Variants in FSHR observed in about 807,000 individuals in gnomAD.
FSHR encodes the protein follicle stimulating hormone receptor, also known as follicle-stimulating hormone receptor.
Under a neutral mutation model 52.1 loss-of-function variants are expected in FSHR, and 46 were observed. That is an observed-to-expected ratio of 0.88 (90% confidence interval 0.70 to 1.13). FSHR has a LOEUF of 1.13. Among genes scored for constraint, FSHR ranks in the 50% most tolerant of loss-of-function variants. The probability of loss-of-function intolerance (pLI) is 0.00; values close to 1 mark genes in which losing one functional copy is unlikely to be tolerated. For missense variants in FSHR, 964 were observed against 834.6 expected (o/e 1.16, Z -1.91); for synonymous variants, 399 against 309.6 (o/e 1.29, Z -3.03).
In FSHR at chr2:48,963,770, C is replaced by A; in HGVS notation, c.1051G>T (p.Asp351Tyr). 6.2e-7 allele frequency: 1 copy of A among 1,614,114 alleles called. No homozygotes were observed. Among genetic ancestry groups the A allele is most frequent in the South Asian group, 1.1e-5 (1 of 91,076 alleles). The change falls in exon 10 of 10, where the codon GAT (aspartate) becomes TAT (tyrosine). Residue 351 changes from aspartate (D) to tyrosine (Y), a missense_variant. Asp to Tyr is a radical substitution (Grantham distance 160). Coordinates refer to ENST00000406846, the MANE Select transcript of FSHR (RefSeq NM_000145.4). Reference protein sequence around the residue: ...VVDVTCSPKPDAFNPCEDIMG... With the variant: ...VVDVTCSPKPYAFNPCEDIMG... ...ATATCTTCACATGGGTTGAATGCATCTGGCTTAGGGGAGCAGGTCACGTCA... is the reference window on the plus strand; with the variant it reads ...ATATCTTCACATGGGTTGAATGCATATGGCTTAGGGGAGCAGGTCACGTCA...
At chr2:49,075,067 T>G (rs370505050) in intron 1 of FSHR, among the ~76,000 whole-genome samples, 1 of 152,010 alleles carries the variant, frequency 6.6e-6, no homozygotes, top group East Asian at 1.9e-4. Flanking sequence ...TAAGGAGAGA[T>G]TTGTTAAAGG....
chr2:49,047,410 G>A (rs1038603013), intron 2 of FSHR, among the ~76,000 whole-genome samples: 2 of 152,196 alleles, frequency 1.3e-5, no homozygotes, highest in Non-Finnish European at 2.9e-5. Context: ...AGAGTGAGGA[G>A]CCCATCAAAA....
At chr2:49,108,959 C>T (rs1235711603) in intron 1 of FSHR, among the ~76,000 whole-genome samples, 2 of 152,064 alleles carry the variant, frequency 1.3e-5, no homozygotes, top group Middle Eastern at 3.2e-3. Flanking sequence ...CTTTTTGGTG[C>T]TCATAGTTCA....
intron 1 of FSHR, among the ~76,000 whole-genome samples, chr2:49,143,399 G>T (rs1338583621): frequency 6.6e-6 from 1 of 152,152 alleles, no homozygotes; most frequent in Non-Finnish European, 1.5e-5. Flanking sequence ...ATTCAGAGTT[G>T]TAAAATGTAA....
intron 1 of FSHR, among the ~76,000 whole-genome samples, chr2:49,124,549 C>G (rs1372245741): frequency 2.6e-5 from 4 of 152,032 alleles, no homozygotes; most frequent in South Asian, 2.1e-4. Flanking sequence ...AACTGTAGCT[C>G]CATTTTTTTT....
intron 9 of FSHR, among the ~76,000 whole-genome samples, chr2:48,964,302 C>A (rs1338915468): frequency 6.6e-6 from 1 of 152,168 alleles, no homozygotes; most frequent in Non-Finnish European, 1.5e-5. Flanking sequence ...TTTTCCTTCT[C>A]CCATCTTGAT....
Position 48,972,092 on chromosome 2 carries a change from G to A in FSHR, c.669-3209C>T, listed in dbSNP as rs538838480. On this transcript the variant is annotated intron_variant, in intron 8 of 9. Coordinates refer to ENST00000406846, the MANE Select transcript of FSHR (RefSeq NM_000145.4). ...GCCTCCTTATAATCTCCACTTAGTT[G>A]TCTAATATGCAGGTCAGACTTTGAA... Among the ~76,000 whole-genome samples the A allele has an allele frequency of 5.3e-5, 8 of 152,256 alleles. No homozygotes were observed. In the South Asian group the frequency reaches 8.3e-4, roughly 16 times the overall value.
At chr2:48,991,438 G>C (rs1278894130) in intron 4 of FSHR, among the ~76,000 whole-genome samples, 3 of 152,194 alleles carry the variant, frequency 2.0e-5, no homozygotes, top group African/African-American at 7.2e-5. Flanking sequence ...CTGTTGATCT[G>C]AGTGAGGGAG....
intron 1 of FSHR, among the ~76,000 whole-genome samples, chr2:49,127,349 CAG>C (rs1672041103): frequency 6.7e-6 from 1 of 150,242 alleles, no homozygotes; most frequent in Admixed American, 6.6e-5. Flanking sequence ...AAAAGAAAAA[CAG>C]AAAAAGATTC....
chr2:48,963,207 A>G lies in FSHR; in HGVS notation c.1614T>C (p.Asn538=), dbSNP rs991177976. The G allele has an allele frequency of 3.7e-5, 59 of 1,614,072 alleles. No individual in the cohort carries two copies. Among genetic ancestry groups the G allele is most frequent in the Non-Finnish European group, 5.0e-5 (59 of 1,180,036 alleles). The change falls in exon 10 of 10, where the codon AAT becomes AAC. Residue 538 remains asparagine, a synonymous_variant. Coordinates refer to ENST00000406846, the MANE Select transcript of FSHR (RefSeq NM_000145.4). ...CACAGATGACCACAAAGGCCAGGAC[A>G]TTGAGCACAAGGAGGGACATGACAT... ...QLYVMSLLVL[N]VLAFVVICGC...
chr2:49,104,257 G>T (rs1357136900), intron 1 of FSHR, among the ~76,000 whole-genome samples: 1 of 152,070 alleles, frequency 6.6e-6, no homozygotes, highest in South Asian at 2.1e-4. Context: ...TAGATTAAAA[G>T]GCACACCTTG....
chr2:49,044,928 G>A (rs1040619799), intron 2 of FSHR, among the ~76,000 whole-genome samples: 5 of 152,158 alleles, frequency 3.3e-5, no homozygotes, highest in Non-Finnish European at 5.9e-5. Context: ...ACAGTTGTAT[G>A]TGAATTGCAT....
Position 49,154,484 on chromosome 2 carries a change from G to A in FSHR, c.-67C>T, listed in dbSNP as rs1673175327. On this transcript the variant is annotated 5_prime_UTR_variant, in exon 1 of 10. Coordinates refer to ENST00000406846, the MANE Select transcript of FSHR (RefSeq NM_000145.4). Reference sequence around the variant, plus strand: ...AGAAAAACCTCCACAGATCTCAGAAGCTCCACACAGTGCCCTTATGAGAAG... The same window carrying A: ...AGAAAAACCTCCACAGATCTCAGAAACTCCACACAGTGCCCTTATGAGAAG... The A allele has an allele frequency of 1.3e-6, 2 of 1,526,964 alleles. No individual in the cohort carries two copies. The highest frequency in any genetic ancestry group is 1.8e-6 in the Non-Finnish European group (2 of 1,105,406). 94.6% of individuals were successfully genotyped at this position (1,526,964 alleles called of 1,614,324 possible). A position where few individuals can be genotyped will look rare whatever the true frequency, so the allele number is the denominator to read the frequency against.
chr2:48,982,068 T>C (rs527265477), intron 8 of FSHR, among the ~76,000 whole-genome samples: 1 of 152,322 alleles, frequency 6.6e-6, no homozygotes, highest in Admixed American at 6.5e-5. Context: ...TAGTAGGTCT[T>C]GCTTAGAGCC....
chr2:49,057,395 G>C (rs1463793518), intron 2 of FSHR, among the ~76,000 whole-genome samples: 1 of 152,060 alleles, frequency 6.6e-6, no homozygotes, highest in Non-Finnish European at 1.5e-5. Context: ...GATCATTAAA[G>C]ATTGCTATGA....
At position 48,982,961 on chromosome 2, in the gene FSHR, C is replaced by A; in HGVS notation, c.619G>T (p.Glu207Ter). The A allele has an allele frequency of 6.2e-7, 1 of 1,614,058 alleles. No homozygotes were observed. Among genetic ancestry groups the A allele is most frequent in the Non-Finnish European group, 8.5e-7 (1 of 1,179,970 alleles). ...TGGAAAACATCATTAGGCAATTCTT[C>A]TAAATTATTATTATCGCTTAGATTC... The part of the protein sequence containing the change: ...ELNLSDNNNL[E>*]ELPNDVFHGA... Residue 207 changes from glutamate (E) to a stop codon, truncating the protein, a stop_gained, in exon 8 of 10, where the codon GAA becomes TAA. Coordinates refer to ENST00000406846, the MANE Select transcript of FSHR (RefSeq NM_000145.4). LOFTEE classifies it high-confidence loss of function.
At chr2:49,019,470 G>A (rs1667614655) in intron 3 of FSHR, among the ~76,000 whole-genome samples, 1 of 152,264 alleles carries the variant, frequency 6.6e-6, no homozygotes, top group East Asian at 1.9e-4. Flanking sequence ...GCGCTATTAT[G>A]TAAAACTGGA....
At chr2:49,040,422 A>G (rs1277458) in intron 2 of FSHR, among the ~76,000 whole-genome samples, 20,879 of 152,118 alleles carry the variant, frequency 0.14, 1,807 homozygotes, top group Non-Finnish European at 0.18. Flanking sequence ...AAGTTACTCA[A>G]TTTTTTAAAA....
chr2:49,033,539 A>G (rs1452487687), intron 2 of FSHR, among the ~76,000 whole-genome samples: 2 of 152,126 alleles, frequency 1.3e-5, no homozygotes, highest in Non-Finnish European at 2.9e-5. Flanking sequence ...CAGCTCAGAT[A>G]AGGAAAGAGG....
Sources: gnomAD v4.1 joint callset for allele counts (sites outside exome capture counted in the v4.1 genomes callset) on GRCh38, gnomAD v4.1.1 for gene constraint, MANE v1.5 for transcripts, NCBI Gene and HGNC (gene_info 2026-07-23, HGNC 2026-07-21) for gene names.